Variants in ADSS2 observed in about 807,000 individuals in gnomAD.
ADSS2 encodes adenylosuccinate synthase 2, also known as adenylosuccinate synthetase isozyme 2.
ADSS2 carries 30 observed loss-of-function variants against 60.0 expected under a neutral mutation model. The observed-to-expected ratio is 0.50, with a 90% CI of 0.37 to 0.68. The LOEUF is 0.68. Ranked by LOEUF, ADSS2 falls within the 30% of genes least tolerant of loss-of-function variation. The pLI is 0.00. For missense variants in ADSS2, 373 were observed against 554.8 expected, an observed-to-expected ratio of 0.67 and a Z score of 3.29; for synonymous variants, 187 against 193.1, an observed-to-expected ratio of 0.97 and a Z score of 0.26.
rs192762656 is a variant in ADSS2 at position 244,416,291 on chromosome 1, A to T, written c.1071-213T>A. Reference sequence around the variant, plus strand: ...GTTACTTTGCTAGTAATTGTAACAGATTTTCACTGATGAATTTTGCTTAGC... The same window carrying T: ...GTTACTTTGCTAGTAATTGTAACAGTTTTTCACTGATGAATTTTGCTTAGC... On this transcript the variant is annotated intron_variant, in intron 10 of 12. Coordinates refer to ENST00000366535, the MANE Select transcript of ADSS2 (RefSeq NM_001126.5). 2.6e-5 allele frequency among the ~76,000 whole-genome samples: 4 copies of T among 152,300 alleles called. No homozygotes were observed. The East Asian group carries it at 7.7e-4, about 29-fold the overall frequency.
In ADSS2 at chr1:244,451,131, C is replaced by G. The variant is rs1665567094; in HGVS notation, c.183+504G>C. On this transcript the variant is annotated intron_variant, in intron 1 of 12. Transcript: ENST00000366535. This position sits in a 1 kb window ranked among gnomAD's most constrained non-coding sequence, Gnocchi z 6.6. Reference sequence around the variant, plus strand: ...TGCCACGGTCCTGCAGATGGGGGATCGGTGAGTCTGATTTCAGGACGTTTC... The same window carrying G: ...TGCCACGGTCCTGCAGATGGGGGATGGGTGAGTCTGATTTCAGGACGTTTC... Among the ~76,000 whole-genome samples the G allele has an allele frequency of 6.6e-6, 1 of 152,146 alleles. No homozygotes were observed. The highest frequency in any genetic ancestry group is 2.1e-4 in the South Asian group (1 of 4,832).
At chr1:244,442,942 C>G (rs1165634959) in intron 1 of ADSS2, among the ~76,000 whole-genome samples, 1 of 152,074 alleles carries the variant, frequency 6.6e-6, no homozygotes, top group Non-Finnish European at 1.5e-5. Context: ...AATATGAGCA[C>G]CATAACCAAA....
chr1:244,450,811 C>A (rs1015843253), intron 1 of ADSS2, among the ~76,000 whole-genome samples: 1 of 152,176 alleles, frequency 6.6e-6, no homozygotes, highest in Admixed American at 6.5e-5. Flanking sequence ...TACATTACCA[C>A]CTCGTTTTCC....
chr1:244,449,010 A>G (rs2148017720), intron 1 of ADSS2, among the ~76,000 whole-genome samples: 1 of 152,266 alleles, frequency 6.6e-6, no homozygotes, highest in African/African-American at 2.4e-5. Context: ...TAAAATAAAT[A>G]TTGATTTAAA....
At chr1:244,411,571 G>T in intron 11 of ADSS2, 135 bp from the exon 12 acceptor site, 1 of 873,322 alleles carries the variant, frequency 1.1e-6, no homozygotes, top group Non-Finnish European at 1.7e-6. Flanking sequence ...AATTCTTCAG[G>T]TAGTAGAAAG....
chr1:244,441,684 C>T (rs1002926675), intron 1 of ADSS2, among the ~76,000 whole-genome samples: 1 of 151,970 alleles, frequency 6.6e-6, no homozygotes, highest in Non-Finnish European at 1.5e-5. Context: ...AGGCTGGGCA[C>T]GGTGGCTCAC....
At chr1:244,420,422 G>C (rs1664648283) in intron 7 of ADSS2, 126 bp from the exon 8 acceptor site, 2 of 757,492 alleles carry the variant, frequency 2.6e-6, no homozygotes, top group African/African-American at 1.7e-5. Context: ...AAGGGCTGGT[G>C]ACGGTGCTCA....
chr1:244,423,502 C>G (rs1420420330), intron 6 of ADSS2, among the ~76,000 whole-genome samples: 1 of 152,104 alleles, frequency 6.6e-6, no homozygotes, highest in African/African-American at 2.4e-5. Flanking sequence ...CATGTGTTAA[C>G]GTAGCATCTG....
In ADSS2 at chr1:244,436,844, T is replaced by C; in HGVS notation, c.336A>G (p.Lys112=). 6.2e-7 allele frequency: 1 copy of C among 1,612,336 alleles called. No individual in the cohort carries two copies. Among genetic ancestry groups the C allele is most frequent in the Non-Finnish European group, 8.5e-7 (1 of 1,179,160 alleles). ...TCATACCTTTTCCTTTTTGAACATT[T>C]TTCTCTGCTTCTTCAAACAATCCAG... ...HLPGLFEEAE[K]NVQKGKGLEG... is the part of the protein sequence containing the mutation. The change falls in exon 3 of 13, where the codon AAA becomes AAG. Residue 112 remains lysine (K), a synonymous_variant. Coordinates refer to ENST00000366535, the MANE Select transcript of ADSS2 (RefSeq NM_001126.5).
rs184676050 is a variant in ADSS2, at chr1:244,425,890, A to G, written c.407-1503T>C. 3.3e-3 allele frequency among the ~76,000 whole-genome samples: 508 copies of G among 152,312 alleles called. 4 individuals carry two copies. Among genetic ancestry groups the G allele is most frequent in the African/African-American group, 0.012 (484 of 41,584 alleles). On this transcript the variant is annotated intron_variant, in intron 4 of 12. Transcript: ENST00000366535. ...ACTGCACACCAAAAGATATCTATCT[A>G]CAAGAATGCTCAGGGTAATAGTATT...
chr1:244,410,129 C>T (rs187586260), intron 12 of ADSS2, among the ~76,000 whole-genome samples: 2 of 152,138 alleles, frequency 1.3e-5, no homozygotes, highest in Non-Finnish European at 2.9e-5. Context: ...GATCAACCTT[C>T]GTGGTATTTT....
Position 244,451,823 on chromosome 1 carries a change from C to CA in ADSS2, c.-7dup. On this transcript the variant is annotated 5_prime_UTR_variant, in exon 1 of 13. Transcript: ENST00000366535. The surrounding 1 kb of genome is among the most constrained non-coding windows in gnomAD (Gnocchi z 6.6). ...TAGGTCTCGGCGAACGCCATGGCTC[C>CA]AGTGACGCGAGGAGAGCCCGAAGGA... 3 of 1,577,582 alleles carry CA rather than the reference C, an allele frequency of 1.9e-6. No homozygotes were observed. The highest frequency in any genetic ancestry group is 2.6e-6 in the Non-Finnish European group (3 of 1,164,670).
At chr1:244,432,907 A>G (rs1362836402) in intron 3 of ADSS2, among the ~76,000 whole-genome samples, 1 of 151,714 alleles carries the variant, frequency 6.6e-6, no homozygotes, top group Non-Finnish European at 1.5e-5. Context: ...TGACCTTGTG[A>G]TCCACCCACC....
chr1:244,425,805 G>T (rs1026520126), intron 4 of ADSS2, among the ~76,000 whole-genome samples: 3 of 152,078 alleles, frequency 2.0e-5, no homozygotes, highest in Non-Finnish European at 4.4e-5. Flanking sequence ...CTAGTAAGCA[G>T]TATCTGTCTT....
intron 3 of ADSS2, among the ~76,000 whole-genome samples, chr1:244,436,145 C>T (rs1021689830): frequency 6.6e-6 from 1 of 152,184 alleles, no homozygotes; most frequent in African/African-American, 2.4e-5. Flanking sequence ...GAACTTTCCA[C>T]TTGTGGTGTC....
intron 1 of ADSS2, among the ~76,000 whole-genome samples, chr1:244,441,854 G>A (rs924783623): frequency 6.6e-6 from 1 of 152,120 alleles, no homozygotes; most frequent in Non-Finnish European, 1.5e-5. Flanking sequence ...TACTCGGGAG[G>A]CTGAGGCAGG....
Position 244,417,649 on chromosome 1 carries a change from T to C in ADSS2, c.1049A>G (p.His350Arg). Reference sequence around the variant, plus strand: ...TCACGCAGTAAATCCATTGATCATATGAGCATATTTGAGCAAAACGAGGTC... The same window carrying C: ...TCACGCAGTAAATCCATTGATCATACGAGCATATTTGAGCAAAACGAGGTC... The part of the protein sequence containing the change: ...WLDLVLLKYA[H>R]MINGFTALAL... Residue 350 changes from histidine (H) to arginine (R), a missense_variant, in exon 10 of 13, where the codon CAT (histidine) becomes CGT (arginine). By Grantham distance (29) the His-to-Arg change is conservative. Around this residue, in one of 5 missense-constraint regions of ADSS2, gnomAD observed 130 missense variants for 169.4 expected, o/e 0.77. Coordinates refer to ENST00000366535, the MANE Select transcript of ADSS2 (RefSeq NM_001126.5). 1 of 1,612,408 alleles carries C rather than the reference T, an allele frequency of 6.2e-7. No homozygotes were observed. The highest frequency in any genetic ancestry group is 8.5e-7 in the Non-Finnish European group (1 of 1,179,906).
At chr1:244,422,958 A>C (rs780722985) in intron 6 of ADSS2, 42 bp from the exon 7 acceptor site, 3 of 1,218,406 alleles carry the variant, frequency 2.5e-6, no homozygotes, top group South Asian at 2.8e-5. Flanking sequence ...ACTCTGTGAA[A>C]AATATTTCAA....
intron 1 of ADSS2, among the ~76,000 whole-genome samples, chr1:244,440,415 A>C (rs1665207995): frequency 6.6e-6 from 1 of 152,228 alleles, no homozygotes; most frequent in Admixed American, 6.5e-5. Context: ...TTTGAAGACT[A>C]ATGTATGGCA....
Sources: gnomAD v4.1 joint callset for allele counts (sites outside exome capture counted in the v4.1 genomes callset) on GRCh38, gnomAD v4.1.1 for gene constraint, gnomAD v4.1.1 regional missense constraint, Gnocchi (gnomAD v3.1) non-coding constraint, MANE v1.5 for transcripts, NCBI Gene and HGNC (gene_info 2026-07-23, HGNC 2026-07-21) for gene names.